Variants in SUGCT observed in about 807,000 individuals in gnomAD.
SUGCT encodes the protein succinyl-CoA:glutarate-CoA transferase, also known as succinyl-CoA:glutarate CoA-transferase.
Under a neutral mutation model 55.0 loss-of-function variants are expected in SUGCT, and 41 were observed. The ratio of observed to expected loss-of-function variants is 0.74; its 90% confidence interval spans 0.58 to 0.97. The LOEUF is 0.97. Among genes scored for constraint, SUGCT ranks in the 50% least tolerant of loss-of-function variants. The pLI, the probability that SUGCT is intolerant of heterozygous loss-of-function variation, is 0.00. For missense variants in SUGCT, 568 were observed against 547.8 expected (o/e 1.04, Z -0.37); for synonymous variants, 187 against 200.4 (o/e 0.93, Z 0.56).
the SUGCT span, among the ~76,000 whole-genome samples, chr7:40,898,414 T>G: frequency 1.5e-5 from 2 of 136,920 alleles, no homozygotes; most frequent in Non-Finnish European, 3.0e-5. Context: ...ACACATCATC[T>G]TTAAGAACTG....
intron 1 of SUGCT, among the ~76,000 whole-genome samples, chr7:40,135,395 C>T (rs953858200): frequency 3.3e-5 from 5 of 152,236 alleles, no homozygotes; most frequent in Non-Finnish European, 7.3e-5. Flanking sequence ...CGTTTGGGGC[C>T]TCTTTACTCC....
At chr7:40,870,876 T>C in the SUGCT span, among the ~76,000 whole-genome samples, 1 of 152,220 alleles carries the variant, frequency 6.6e-6, no homozygotes, top group Admixed American at 6.5e-5. Context: ...TTTTTTTGCT[T>C]AAATTGTCAC....
chr7:40,882,792 T>C, the SUGCT span, among the ~76,000 whole-genome samples: 2 of 152,214 alleles, frequency 1.3e-5, no homozygotes, highest in African/African-American at 4.8e-5. Context: ...AAAAAGTTCA[T>C]CAGAATTGGT....
chr7:40,180,950 T>C lies in SUGCT; in HGVS notation c.104T>C (p.Met35Thr). The C allele has an allele frequency of 6.2e-7, 1 of 1,606,606 alleles. No homozygotes were observed. Among genetic ancestry groups the C allele is most frequent in the Non-Finnish European group, 8.5e-7 (1 of 1,173,646 alleles). The stretch of plus-strand genomic sequence containing the variant: ...AATGTTTTCTCTGTTTTGCCAGATA[T>C]GAACAATATAAAGCCATTGGAAGGG... ...GLWTGRPQSD[M>T]NNIKPLEGVK... Residue 35 changes from methionine to threonine, a missense_variant, in exon 2 of 14, where the codon ATG (methionine) becomes ACG (threonine). By Grantham distance (81) the Met-to-Thr change is moderately conservative (BLOSUM62 -1). Coordinates refer to ENST00000335693, the MANE Select transcript of SUGCT (RefSeq NM_001193313.2).
chr7:40,934,287 T>C, the SUGCT span, among the ~76,000 whole-genome samples: 4 of 152,336 alleles, frequency 2.6e-5, no homozygotes, highest in East Asian at 7.7e-4. Flanking sequence ...CAGCAAATAT[T>C]GCTGCCTGAT....
chr7:40,499,165 A>C (rs913262311), intron 12 of SUGCT: 1 of 455,350 alleles, frequency 2.2e-6, no homozygotes, highest in African/African-American at 2.0e-5. Context: ...CTGCTAGTTC[A>C]ACTGGAAATT....
At chr7:40,390,109 A>G (rs1453946206) in intron 9 of SUGCT, among the ~76,000 whole-genome samples, 1 of 152,230 alleles carries the variant, frequency 6.6e-6, no homozygotes, top group Non-Finnish European at 1.5e-5. Flanking sequence ...AACTCTCAAT[A>G]AAGTAGGTAT....
intron 12 of SUGCT, among the ~76,000 whole-genome samples, chr7:40,573,656 A>G (rs866199223): frequency 2.6e-5 from 4 of 152,232 alleles, no homozygotes; most frequent in Non-Finnish European, 5.9e-5. Flanking sequence ...GATATGTAGA[A>G]GTAGAGCTTT....
At chr7:40,514,475 G>A (rs1390919677) in intron 12 of SUGCT, among the ~76,000 whole-genome samples, 3 of 151,992 alleles carry the variant, frequency 2.0e-5, no homozygotes, top group Admixed American at 6.5e-5. Context: ...TTGAGAGGCC[G>A]AGGAGGCTGG....
chr7:40,892,826 C>G, the SUGCT span, among the ~76,000 whole-genome samples: 1 of 152,328 alleles, frequency 6.6e-6, no homozygotes, highest in South Asian at 2.1e-4. Context: ...TCATGAGCCA[C>G]TGTTCCCAGA....
At chr7:40,593,444 T>A (rs1396003218) in intron 12 of SUGCT, among the ~76,000 whole-genome samples, 1 of 152,196 alleles carries the variant, frequency 6.6e-6, no homozygotes, top group Non-Finnish European at 1.5e-5. Flanking sequence ...AATGTACAAT[T>A]GTTGCCTTCA....
chr7:40,751,782 A>C (rs551271761), intron 13 of SUGCT, among the ~76,000 whole-genome samples: 1 of 152,278 alleles, frequency 6.6e-6, no homozygotes, highest in African/African-American at 2.4e-5. Flanking sequence ...CACATTAGAG[A>C]AAGGGTAAGC....
intron 13 of SUGCT, among the ~76,000 whole-genome samples, chr7:40,839,922 C>G (rs1793191309): frequency 6.6e-6 from 1 of 152,094 alleles, no homozygotes; most frequent in African/African-American, 2.4e-5. Context: ...ATGCTGGAAG[C>G]CTCTTGGGCA....
chr7:40,322,571 A>G (rs1795812507), intron 9 of SUGCT, among the ~76,000 whole-genome samples: 1 of 152,192 alleles, frequency 6.6e-6, no homozygotes, highest in African/African-American at 2.4e-5. Flanking sequence ...TGCTCCTGGC[A>G]AAACCACAAC....
chr7:40,375,437 G>A (rs1225091375), intron 9 of SUGCT, among the ~76,000 whole-genome samples: 1 of 152,012 alleles, frequency 6.6e-6, no homozygotes, highest in Non-Finnish European at 1.5e-5. Context: ...GAGAAATAAG[G>A]TTATAAAAAA....
chr7:40,839,272 T>C (rs541127181), intron 13 of SUGCT, among the ~76,000 whole-genome samples: 1 of 152,296 alleles, frequency 6.6e-6, no homozygotes, highest in South Asian at 2.1e-4. Flanking sequence ...AGACAGGATC[T>C]TGCTCTGTTG....
chr7:40,443,172 G>A (rs558633701), intron 9 of SUGCT, among the ~76,000 whole-genome samples: 21 of 152,232 alleles, frequency 1.4e-4, no homozygotes, highest in South Asian at 6.2e-4. Context: ...GAATAGTGCC[G>A]CAGTAAACAT....
chr7:40,836,600 A>AC (rs1175449672), intron 13 of SUGCT, among the ~76,000 whole-genome samples: 3 of 152,178 alleles, frequency 2.0e-5, no homozygotes, highest in Non-Finnish European at 4.4e-5. Flanking sequence ...TAGAGGGACC[A>AC]CCACTTCCCT....
At chr7:40,950,847 A>G in the SUGCT span, among the ~76,000 whole-genome samples, 3 of 151,998 alleles carry the variant, frequency 2.0e-5, no homozygotes, top group Non-Finnish European at 4.4e-5. Context: ...TGTGTTGCTG[A>G]ATTCAGTTTG....
Sources: gnomAD v4.1 joint callset for allele counts (sites outside exome capture counted in the v4.1 genomes callset) on GRCh38, gnomAD v4.1.1 for gene constraint, MANE v1.5 for transcripts, NCBI Gene and HGNC (gene_info 2026-07-23, HGNC 2026-07-21) for gene names.